The following MYRF variants were observed in gnomAD, a reference collection of about 807,000 sequenced individuals.
MYRF encodes myelin gene regulatory factor.
In MYRF, 16 loss-of-function variants were observed where a neutral mutation model predicts 126.3. The observed-to-expected ratio is 0.13, with a 90% CI of 0.09 to 0.19. The LOEUF is 0.19. Among genes scored for constraint, MYRF ranks in the 10% least tolerant of loss-of-function variants. The pLI is 1.00. For missense variants in MYRF, 1,104 were observed against 1,547.0 expected (o/e 0.71, Z 4.80); for synonymous variants, 608 against 635.3 (o/e 0.96, Z 0.65).
intron 1 of MYRF, among the ~76,000 whole-genome samples, chr11:61,760,720 G>A (rs936775255): frequency 2.0e-5 from 3 of 152,186 alleles, no homozygotes; most frequent in African/African-American, 7.2e-5. Context: ...GGGTCACCTC[G>A]TTTAAGGTTC....
chr11:61,786,355 GACTTCTTGGGCCTTCCTGCCTGCC>G lies in MYRF; in HGVS notation c.*215_*238del. ...GCACAGAGGGAACCTGAGAGCCAGA[GACTTCTTGGGCCTTCCTGCCTGCC>G]ACCCCCTAGGGGCCAGGACAGGACC... is the stretch of plus-strand genomic sequence containing the variant. On this transcript the variant is annotated 3_prime_UTR_variant, in exon 27 of 27. Transcript: ENST00000278836. The surrounding 1 kb of genome is among the most constrained non-coding windows in gnomAD (Gnocchi z 4.5). 1.7e-6 allele frequency: 1 copy of G among 596,008 alleles called. No individual in the cohort carries two copies. Among genetic ancestry groups the G allele is most frequent in the African/African-American group, 1.9e-5 (1 of 53,878 alleles). The allele number at this position is 596,008 out of a possible 1,614,324, so 36.9% of individuals were successfully genotyped here.
chr11:61,764,805 C>T (rs1264312354), intron 1 of MYRF, among the ~76,000 whole-genome samples: 1 of 152,196 alleles, frequency 6.6e-6, no homozygotes, highest in Admixed American at 6.5e-5. Flanking sequence ...TTGGTGGGGC[C>T]GGGGCCAGCG....
intron 1 of MYRF, among the ~76,000 whole-genome samples, chr11:61,754,696 G>A (rs992571136): frequency 3.3e-5 from 5 of 152,220 alleles, no homozygotes; most frequent in Non-Finnish European, 7.3e-5. Flanking sequence ...GGCCTGGCGG[G>A]GGGAGGCTGC....
Position 61,783,362 on chromosome 11 carries a change from A to C in MYRF, c.3017-136A>C. The C allele has an allele frequency of 1.4e-6, 1 of 701,796 alleles. No homozygotes were observed. The highest frequency in any genetic ancestry group is 2.6e-6 in the Non-Finnish European group (1 of 391,362). The allele number at this position is 701,796 out of a possible 1,614,324, so 43.5% of individuals were successfully genotyped here. ...GAAAGGGTGTAGTGTGATGCTGGCCATTGTGGAGGTCTGGAAAAAAATAAC... is the reference window on the plus strand; with the variant it reads ...GAAAGGGTGTAGTGTGATGCTGGCCCTTGTGGAGGTCTGGAAAAAAATAAC... On this transcript the variant is annotated intron_variant, in intron 22 of 26. Transcript: ENST00000278836. The surrounding 1 kb of genome is among the most constrained non-coding windows in gnomAD (Gnocchi z 4.6).
chr11:61,772,903 C>T (rs1373446743), intron 7 of MYRF, among the ~76,000 whole-genome samples: 3 of 152,346 alleles, frequency 2.0e-5, no homozygotes, highest in Non-Finnish European at 2.9e-5. Context: ...AAGCATTCTC[C>T]CTGCCCAGCT....
intron 3 of MYRF, 53 bp downstream of exon 3, chr11:61,766,274 G>T: frequency 6.5e-7 from 1 of 1,527,200 alleles, no homozygotes; most frequent in Non-Finnish European, 8.8e-7. Context: ...CAGGCAGGGA[G>T]CAGGGCTGTG....
At position 61,777,655 on chromosome 11, in the gene MYRF, G is replaced by C. The variant is rs1006384952; in HGVS notation, c.1792-79G>C. The C allele has an allele frequency of 7.0e-7, 1 of 1,427,970 alleles. No homozygotes were observed. The highest frequency in any genetic ancestry group is 2.5e-5 in the East Asian group (1 of 40,016). 88.5% of individuals were successfully genotyped at this position (1,427,970 alleles called of 1,614,324 possible). On this transcript the variant is annotated intron_variant, in intron 12 of 26. Transcript: ENST00000278836. The surrounding 1 kb of genome is among the most constrained non-coding windows in gnomAD (Gnocchi z 8.8). ...CTCCTCTCCACACTGCAGCCTCCAG[G>C]CTGCCGCCCTCCTGGGCTCCGGGGC...
Position 61,778,632 on chromosome 11 carries a change from T to G in MYRF, c.2013+143T>G, listed in dbSNP as rs1831028274. On this transcript the variant is annotated intron_variant, in intron 14 of 26. Coordinates refer to ENST00000278836, the MANE Select transcript of MYRF (RefSeq NM_001127392.3). This position sits in a 1 kb window ranked among gnomAD's most constrained non-coding sequence, Gnocchi z 4.6. ...CTCTCATGCTGCCTCCAGAGCGCCC[T>G]CTGCACCCCACAGGGAAGGGGTGAG... 1.5e-6 allele frequency: 1 copy of G among 686,216 alleles called. No individual in the cohort carries two copies. Among genetic ancestry groups the G allele is most frequent in the South Asian group, 1.6e-5 (1 of 64,286 alleles). 42.5% of individuals were successfully genotyped at this position (686,216 alleles called of 1,614,324 possible). A position where few individuals can be genotyped will look rare whatever the true frequency, so the allele number is the denominator to read the frequency against.
chr11:61,783,335 A>G lies in MYRF; in HGVS notation c.3017-163A>G. 1.6e-6 allele frequency: 1 copy of G among 627,676 alleles called. No homozygotes were observed. Among genetic ancestry groups the G allele is most frequent in the Non-Finnish European group, 2.9e-6 (1 of 346,846 alleles). 38.9% of individuals were successfully genotyped at this position (627,676 alleles called of 1,614,324 possible). On this transcript the variant is annotated intron_variant, in intron 22 of 26. Transcript: ENST00000278836. The surrounding 1 kb of genome is among the most constrained non-coding windows in gnomAD (Gnocchi z 4.6). ...GAACTGGGTAGTCCTAGGGCTGCTG[A>G]GGAAAGGGTGTAGTGTGATGCTGGC...
Position 61,777,348 on chromosome 11 carries a change from C to T in MYRF, c.1675C>T (p.Arg559Cys). 2 of 1,613,782 alleles carry T rather than the reference C, an allele frequency of 1.2e-6. No homozygotes were observed. Among genetic ancestry groups the T allele is most frequent in the East Asian group, 2.2e-5 (1 of 44,878 alleles). Reference sequence around the variant, plus strand: ...GCCCGACACCGTCTTCCACCACGGCCGCGTGGGCATCAACACAGACCGGCC... The same window carrying T: ...GCCCGACACCGTCTTCCACCACGGCTGCGTGGGCATCAACACAGACCGGCC... ...QVPDTVFHHGRVGINTDRPDE... is the reference protein window; with the variant it reads ...QVPDTVFHHGCVGINTDRPDE... Residue 559 changes from arginine (R) to cysteine (C), a missense_variant, in exon 12 of 27, where the codon CGC becomes TGC. This residue lies in a region of MYRF where 48 missense variants were observed against 148.2 expected (regional missense o/e 0.32). Transcript: ENST00000278836. This position sits in a 1 kb window ranked among gnomAD's most constrained non-coding sequence, Gnocchi z 8.8.
At chr11:61,760,314 G>T (rs1478727150) in intron 1 of MYRF, among the ~76,000 whole-genome samples, 1 of 152,174 alleles carries the variant, frequency 6.6e-6, no homozygotes, top group Non-Finnish European at 1.5e-5. Flanking sequence ...AGGAGGTGAG[G>T]CCACTGTGCC....
At chr11:61,762,240 C>T (rs465524) in intron 1 of MYRF, among the ~76,000 whole-genome samples, 11 of 151,580 alleles carry the variant, frequency 7.3e-5, no homozygotes, top group South Asian at 2.1e-4. Flanking sequence ...AAAAGGCTGT[C>T]GGGGGCAGGC....
intron 1 of MYRF, among the ~76,000 whole-genome samples, chr11:61,760,775 C>T (rs1180270228): frequency 1.3e-5 from 2 of 152,116 alleles, no homozygotes; most frequent in Non-Finnish European, 2.9e-5. Flanking sequence ...AGAAGGAAGC[C>T]AGGGCTCAGG....
At chr11:61,755,466 G>A in intron 1 of MYRF, 1 of 1,607,642 alleles carries the variant, frequency 6.2e-7, no homozygotes, top group Non-Finnish European at 8.5e-7. Flanking sequence ...GGTATAAGGG[G>A]GCTTTGGACT....
At chr11:61,764,627 TG>T (rs2066000415) in intron 1 of MYRF, among the ~76,000 whole-genome samples, 1 of 152,168 alleles carries the variant, frequency 6.6e-6, no homozygotes, top group South Asian at 2.1e-4. Context: ...TGGGTGGGGC[TG>T]TCCTCCATTA....
intron 5 of MYRF, among the ~76,000 whole-genome samples, chr11:61,771,091 G>C (rs2066206840): frequency 6.6e-6 from 1 of 152,202 alleles, no homozygotes; most frequent in South Asian, 2.1e-4. Context: ...TTGTGGCCCA[G>C]GCCCTCTGTG....
At chr11:61,779,628 C>T in intron 16 of MYRF, 58 bp downstream of exon 16, 11 of 1,425,054 alleles carry the variant, frequency 7.7e-6, no homozygotes, top group Non-Finnish European at 1.0e-5. Flanking sequence ...TGTGGCCTCC[C>T]TTTCTGGCTT....
chr11:61,765,939 C>G lies in MYRF; in HGVS notation c.135-19C>G. On this transcript the variant is annotated intron_variant, in intron 2 of 26. Transcript: ENST00000278836. Reference sequence around the variant, plus strand: ...GGCTGGGGTCCTGGCTGGAGCTGAGCCGCCCCCCTTCCCCGCAGCTGCTTC... The same window carrying G: ...GGCTGGGGTCCTGGCTGGAGCTGAGGCGCCCCCCTTCCCCGCAGCTGCTTC... The G allele has an allele frequency of 6.7e-7, 1 of 1,482,998 alleles. No individual in the cohort carries two copies. Among genetic ancestry groups the G allele is most frequent in the Non-Finnish European group, 8.9e-7 (1 of 1,118,640 alleles). 91.9% of individuals were successfully genotyped at this position (1,482,998 alleles called of 1,614,324 possible).
At chr11:61,775,772 G>A (rs926068607) in intron 8 of MYRF, among the ~76,000 whole-genome samples, 5 of 151,686 alleles carry the variant, frequency 3.3e-5, no homozygotes, top group African/African-American at 1.2e-4. Flanking sequence ...TGTGGGTGTG[G>A]AATGGGGGTG....
Sources: allele counts gnomAD v4.1 joint callset (sites outside exome capture counted in the v4.1 genomes callset), GRCh38; gene constraint gnomAD v4.1.1; regional missense constraint gnomAD v4.1.1; non-coding constraint Gnocchi (gnomAD v3.1); transcripts MANE v1.5; gene names NCBI Gene and HGNC (gene_info 2026-07-23, HGNC 2026-07-21).